The following NLRP1 variants were observed in gnomAD, a reference collection of about 807,000 sequenced individuals.
The protein encoded by NLRP1 is NLR family pyrin domain containing 1, also known as NACHT, LRR and PYD domains-containing protein 1.
A neutral mutation model predicts 136.7 loss-of-function variants in NLRP1; 94 were observed. That is an observed-to-expected ratio of 0.69 (90% CI 0.58 to 0.82). The LOEUF (loss-of-function observed/expected upper bound fraction) is 0.82, where lower values mean the gene tolerates loss of function less well. Among genes scored for constraint, NLRP1 ranks in the 40% least tolerant of loss-of-function variants. NLRP1 has a pLI of 0.00. For synonymous variants in NLRP1, 690 were observed against 725.1 expected (o/e 0.95, Z 0.78); for missense variants, 1,575 against 1,802.7 (o/e 0.87, Z 2.29).
intron 5 of NLRP1, among the ~76,000 whole-genome samples, chr17:5,552,083 CCTT>C (rs1913436360): frequency 1.2e-5 from 1 of 81,616 alleles, no homozygotes; most frequent in Admixed American, 1.4e-4. Context: ...CTCTATCTTT[CCTT>C]TTTTTTTTTT....
chr17:5,558,794 G>A lies in NLRP1; in HGVS notation c.1902C>T (p.Ser634=). The A allele has an allele frequency of 1.9e-6, 3 of 1,614,116 alleles. No individual in the cohort carries two copies. The South Asian group carries it at 3.3e-5, about 18-fold the overall frequency. The part of the protein sequence containing the change: ...LCFQEFFAAM[S]YVLEDEKGRG... ...TCCCCTTCTCATCCTCCAAGACATA[G>A]GACATTGCTGCAAAGAACTCTTGGA... Residue 634 remains serine (S), a synonymous_variant, in exon 4 of 17, where the codon TCC becomes TCT. Transcript: ENST00000572272.
rs144843601 is a variant in NLRP1 at position 5,521,694 on chromosome 17, T to A, written c.3613A>T (p.Ile1205Leu). 1 of 1,613,604 alleles carries A rather than the reference T, an allele frequency of 6.2e-7. No individual in the cohort carries two copies. The highest frequency in any genetic ancestry group is 1.3e-5 in the African/African-American group (1 of 74,932). Residue 1205 changes from isoleucine to leucine, a missense_variant, in exon 13 of 17, where the codon ATA becomes TTA. By Grantham distance (5) the Ile-to-Leu change is conservative. Coordinates refer to ENST00000572272, the MANE Select transcript of NLRP1 (RefSeq NM_033004.4). ...EKPARVELHH[I>L]VLENPSFSPL... is the part of the protein sequence containing the mutation. Reference sequence around the variant, plus strand: ...GAGAAGCTGGGGTTTTCCAGAACTATGTGATGCAGCTCCACCCTGGCTGGC... The same window carrying A: ...GAGAAGCTGGGGTTTTCCAGAACTAAGTGATGCAGCTCCACCCTGGCTGGC...
rs2151801988 is a variant in NLRP1 at position 5,558,702 on chromosome 17, A to G, written c.1994T>C (p.Leu665Pro). Residue 665 changes from leucine to proline, a missense_variant, in exon 4 of 17, where the codon CTG becomes CCG. Transcript: ENST00000572272. ...KTLEAYGIHG[L>P]FGASTTRFLL... ...GAAACGTGTGGTTGATGCCCCAAAC[A>G]GGCCATGTATTCCATATGCTTCTAG... The G allele has an allele frequency of 7.4e-6, 12 of 1,614,106 alleles. No homozygotes were observed. Among genetic ancestry groups the G allele is most frequent in the Non-Finnish European group, 1.0e-5 (12 of 1,180,010 alleles).
chr17:5,503,184 G>T (rs1907173196), intron 15 of NLRP1: 1 of 152,358 alleles, frequency 6.6e-6, no homozygotes, highest in Non-Finnish European at 1.5e-5. Context: ...AGAATGAAAG[G>T]GTGTGTAGGG....
At position 5,514,402 on chromosome 17, in the gene NLRP1, G is replaced by A. The variant is rs1446549580; in HGVS notation, c.*352C>T. 5 of 1,122,988 alleles carry A rather than the reference G, an allele frequency of 4.5e-6. No homozygotes were observed. Among genetic ancestry groups the A allele is most frequent in the South Asian group, 2.6e-5 (1 of 38,714 alleles). 69.6% of individuals were successfully genotyped at this position (1,122,988 alleles called of 1,614,324 possible). On this transcript the variant is annotated 3_prime_UTR_variant, in exon 17 of 17. Transcript: ENST00000572272. ...ATTTTGGGGCTCACCCTGTGACACA[G>A]CCAGAGGCAAATGGTTCCATGTCCC...
At chr17:5,518,044 A>G in intron 14 of NLRP1, 157 bp from the exon 15 acceptor site, 2 of 671,246 alleles carry the variant, frequency 3.0e-6, no homozygotes, top group South Asian at 1.9e-5. Flanking sequence ...TCTTTTCCCA[A>G]TTTTCCACAG....
intron 3 of NLRP1, among the ~76,000 whole-genome samples, chr17:5,574,000 A>C (rs935631012): frequency 2.0e-5 from 3 of 152,224 alleles, no homozygotes; most frequent in Non-Finnish European, 4.4e-5. Flanking sequence ...CAGAAGATCA[A>C]ACTTCTCCGA....
chr17:5,570,177 C>A (rs1223277512), intron 3 of NLRP1, among the ~76,000 whole-genome samples: 1 of 151,946 alleles, frequency 6.6e-6, no homozygotes. Context: ...AATTAGCAAC[C>A]TAACATCACA....
intron 8 of NLRP1, among the ~76,000 whole-genome samples, chr17:5,535,555 G>A (rs989536945): frequency 3.3e-5 from 5 of 152,182 alleles, no homozygotes; most frequent in South Asian, 2.1e-4. Context: ...GACCCCAGGT[G>A]CATTTGCGCA....
chr17:5,546,453 CTCTG>C (rs943453931), intron 5 of NLRP1, among the ~76,000 whole-genome samples: 2 of 152,168 alleles, frequency 1.3e-5, no homozygotes, highest in Admixed American at 1.3e-4. Context: ...ATTCCACACC[CTCTG>C]TCTGGTCTCT....
At chr17:5,562,039 G>A (rs1182509561) in intron 3 of NLRP1, among the ~76,000 whole-genome samples, 3 of 152,092 alleles carry the variant, frequency 2.0e-5, no homozygotes, top group East Asian at 3.9e-4. Context: ...GTCTGAATCC[G>A]GCTGAGGGGT....
intron 3 of NLRP1, among the ~76,000 whole-genome samples, chr17:5,571,522 C>T (rs1467594086): frequency 6.6e-6 from 1 of 152,050 alleles, no homozygotes; most frequent in Non-Finnish European, 1.5e-5. Context: ...AAAAAAGTAC[C>T]TAGGAATACA....
intron 3 of NLRP1, among the ~76,000 whole-genome samples, chr17:5,572,104 T>C (rs910908289): frequency 1.3e-5 from 2 of 152,192 alleles, no homozygotes; most frequent in Non-Finnish European, 2.9e-5. Context: ...CAATGGAAGA[T>C]GGATGAAAGT....
chr17:5,565,232 T>G (rs186477077), intron 3 of NLRP1, among the ~76,000 whole-genome samples: 155 of 152,356 alleles, frequency 1.0e-3, no homozygotes, highest in Non-Finnish European at 1.4e-3. Flanking sequence ...TCTCTGACTA[T>G]CAGTGATGTT....
At chr17:5,512,001 T>C (rs1397519972), downstream of NLRP1, 5 of 542,924 alleles carry the variant, frequency 9.2e-6, no homozygotes, top group Non-Finnish European at 1.4e-5. Flanking sequence ...GTTTAGAAAG[T>C]AACAATGAGG....
At chr17:5,530,087 T>C (rs1319603575) in intron 12 of NLRP1, 1 of 458,890 alleles carries the variant, frequency 2.2e-6, no homozygotes, top group Non-Finnish European at 4.4e-6. Context: ...CTTCCTATTG[T>C]TGCTAGTCCC....
intron 14 of NLRP1, 42 bp from the exon 15 acceptor site, chr17:5,517,929 C>T (rs1908371403): frequency 6.2e-7 from 1 of 1,607,946 alleles, no homozygotes; most frequent in African/African-American, 1.3e-5. Context: ...GTTCATCTTG[C>T]ATGGAAGGTC....
intron 5 of NLRP1, among the ~76,000 whole-genome samples, chr17:5,543,127 G>A (rs1912095105): frequency 6.6e-6 from 1 of 152,194 alleles, no homozygotes; most frequent in African/African-American, 2.4e-5. Flanking sequence ...ACCGTGCCCA[G>A]CCCCATTTTC....
chr17:5,533,549 C>CTGT (rs1567641577), intron 9 of NLRP1, among the ~76,000 whole-genome samples, 165 bp from the exon 10 acceptor site: 1 of 116,546 alleles, frequency 8.6e-6, no homozygotes, highest in South Asian at 2.7e-4. Context: ...GAGTGAGACT[C>CTGT]TGTTTTTTTT....
Sources: gnomAD v4.1 joint callset for allele counts (sites outside exome capture counted in the v4.1 genomes callset) on GRCh38, gnomAD v4.1.1 for gene constraint, MANE v1.5 for transcripts, NCBI Gene and HGNC (gene_info 2026-07-23, HGNC 2026-07-21) for gene names.